Variants in NCKAP5 observed in about 807,000 individuals in gnomAD.
NCKAP5 encodes the protein nck-associated protein 5.
NCKAP5 carries 92 observed loss-of-function variants against 167.0 expected under a neutral mutation model. The observed-to-expected ratio is 0.55, with a 90% CI of 0.47 to 0.66. The LOEUF (loss-of-function observed/expected upper bound fraction) is 0.66. NCKAP5 is among the 30% of genes least tolerant of loss of function. The pLI is 0.00. For missense variants in NCKAP5, 2,378 were observed against 2,315.0 expected, an observed-to-expected ratio of 1.03 and a Z score of -0.56; for synonymous variants, 891 against 877.4, an observed-to-expected ratio of 1.02 and a Z score of -0.27.
chr2:133,181,404 A>C (rs1319288722), intron 5 of NCKAP5, among the ~76,000 whole-genome samples: 1 of 152,084 alleles, frequency 6.6e-6, no homozygotes, highest in East Asian at 1.9e-4. Context: ...AAAGCACAGA[A>C]ATGAAAAACG....
At chr2:133,547,804 T>G (rs1346424741) in intron 2 of NCKAP5, among the ~76,000 whole-genome samples, 1 of 147,864 alleles carries the variant, frequency 6.8e-6, no homozygotes, top group South Asian at 2.2e-4. Context: ...AACTGGAAAC[T>G]CTAAAACGCA....
the NCKAP5 span, among the ~76,000 whole-genome samples, chr2:133,626,454 G>A: frequency 1.7e-5 from 2 of 121,050 alleles, no homozygotes; most frequent in Admixed American, 9.8e-5. Flanking sequence ...CAATAAATAT[G>A]TTGCAAGGGA....
At chr2:133,003,199 G>C (rs879546803) in intron 6 of NCKAP5, among the ~76,000 whole-genome samples, 5 of 152,190 alleles carry the variant, frequency 3.3e-5, no homozygotes, top group Non-Finnish European at 7.4e-5. Context: ...ACTTGGGAGA[G>C]AGAGGATAGG....
intron 4 of NCKAP5, among the ~76,000 whole-genome samples, chr2:133,223,138 C>T (rs2086725195): frequency 6.6e-6 from 1 of 152,132 alleles, no homozygotes; most frequent in South Asian, 2.1e-4. Flanking sequence ...CAGTTAACAA[C>T]CCCCTCCACC....
At chr2:133,029,805 G>A (rs2078822783) in intron 6 of NCKAP5, among the ~76,000 whole-genome samples, 1 of 152,178 alleles carries the variant, frequency 6.6e-6, no homozygotes, top group Admixed American at 6.5e-5. Context: ...AGTGGTGCCA[G>A]AAGATGCTCC....
At chr2:132,793,367 T>C (rs1684228146) in intron 12 of NCKAP5, among the ~76,000 whole-genome samples, 1 of 152,148 alleles carries the variant, frequency 6.6e-6, no homozygotes, top group Non-Finnish European at 1.5e-5. Context: ...GTGAATGTCA[T>C]GTGGGAGCAG....
chr2:133,113,568 G>C (rs188124757), intron 6 of NCKAP5, among the ~76,000 whole-genome samples: 1 of 152,178 alleles, frequency 6.6e-6, no homozygotes, highest in East Asian at 1.9e-4. Flanking sequence ...ACCAGGTGTG[G>C]GTTTCCCTGC....
At chr2:133,057,639 A>G (rs112380541) in intron 6 of NCKAP5, among the ~76,000 whole-genome samples, 1 of 152,202 alleles carries the variant, frequency 6.6e-6, no homozygotes, top group Admixed American at 6.5e-5. Context: ...TTGCAGAAGA[A>G]AAGTTTGAAG....
chr2:133,146,074 T>C (rs540098196), intron 5 of NCKAP5, among the ~76,000 whole-genome samples: 1 of 151,954 alleles, frequency 6.6e-6, no homozygotes, highest in Non-Finnish European at 1.5e-5. Flanking sequence ...GATGAAGTTA[T>C]TAAAAAGCAA....
chr2:132,889,051 G>C (rs967466456), intron 8 of NCKAP5, among the ~76,000 whole-genome samples: 2 of 152,286 alleles, frequency 1.3e-5, no homozygotes, highest in African/African-American at 4.8e-5. Flanking sequence ...TAGGCAGTCT[G>C]AATGTTTTGA....
At chr2:133,058,033 T>G (rs2079862934) in intron 6 of NCKAP5, among the ~76,000 whole-genome samples, 1 of 152,170 alleles carries the variant, frequency 6.6e-6, no homozygotes, top group South Asian at 2.1e-4. Flanking sequence ...TCTGGCTCTA[T>G]AGATGGAACA....
chr2:132,989,846 TC>T (rs2077399949), intron 7 of NCKAP5, among the ~76,000 whole-genome samples: 1 of 152,126 alleles, frequency 6.6e-6, no homozygotes, highest in Admixed American at 6.6e-5. Flanking sequence ...CACATCCCAG[TC>T]CCTGAAGATT....
At chr2:132,726,371 C>T (rs1268466565) in intron 18 of NCKAP5, among the ~76,000 whole-genome samples, 1 of 152,216 alleles carries the variant, frequency 6.6e-6, no homozygotes, top group Non-Finnish European at 1.5e-5. Context: ...GTACACATCA[C>T]CTGACCCCAT....
intron 5 of NCKAP5, among the ~76,000 whole-genome samples, chr2:133,164,006 G>A (rs769915098): frequency 2.2e-4 from 34 of 152,216 alleles, no homozygotes; most frequent in Admixed American, 5.2e-4. Context: ...TCAATTGAAC[G>A]CCTACTTTAA....
intron 12 of NCKAP5, among the ~76,000 whole-genome samples, chr2:132,796,214 G>T (rs1684592519): frequency 6.6e-6 from 1 of 151,936 alleles, no homozygotes; most frequent in Non-Finnish European, 1.5e-5. Flanking sequence ...TTAAAGTTTT[G>T]CCAGATAAGC....
At chr2:133,153,092 A>G (rs2083440305) in intron 5 of NCKAP5, among the ~76,000 whole-genome samples, 1 of 152,232 alleles carries the variant, frequency 6.6e-6, no homozygotes, top group Admixed American at 6.5e-5. Context: ...CCATAGAGAC[A>G]CTAAAAAGAT....
intron 16 of NCKAP5, among the ~76,000 whole-genome samples, chr2:132,772,759 T>C (rs1682192506): frequency 6.6e-6 from 1 of 152,238 alleles, no homozygotes; most frequent in South Asian, 2.1e-4. Flanking sequence ...AGAATAATAA[T>C]GGCATGCCAG....
intron 6 of NCKAP5, among the ~76,000 whole-genome samples, chr2:133,045,059 GA>G (rs111637632): frequency 1.3e-4 from 12 of 90,040 alleles, no homozygotes; most frequent in Admixed American, 6.0e-4. Context: ...GTAGAAAGAA[GA>G]AAAAAAAAAG....
Position 132,727,541 on chromosome 2 carries a change from T to C in NCKAP5, c.5580+1275A>G, listed in dbSNP as rs186446421. Among the ~76,000 whole-genome samples, 13 of 152,334 alleles carry C rather than the reference T, an allele frequency of 8.5e-5. No homozygotes were observed. In the East Asian group the frequency reaches 1.2e-3, roughly 14 times the overall value. ...ACACAAGTCTATGTGGGCAACAAGA[T>C]TGTAGCCCTTCAGGTGGTTCTGATG... On this transcript the variant is annotated intron_variant, in intron 18 of 19. Transcript: ENST00000409261.
Sources: allele counts gnomAD v4.1 joint callset (sites outside exome capture counted in the v4.1 genomes callset), GRCh38; gene constraint gnomAD v4.1.1; transcripts MANE v1.5; gene names NCBI Gene and HGNC (gene_info 2026-07-23, HGNC 2026-07-21).